INPP5A: variants seen among roughly 807,000 people sequenced by gnomAD.
The protein encoded by INPP5A is inositol polyphosphate-5-phosphatase A, also known as 43 kDa inositol polyphosphate 5-phophatase.
In INPP5A, 14 loss-of-function variants were observed where a neutral mutation model predicts 65.2. The observed-to-expected ratio is 0.21, with a 90% CI of 0.14 to 0.34. INPP5A has a LOEUF of 0.34. Among genes scored for constraint, INPP5A ranks in the 10% least tolerant of loss-of-function variants. The pLI is 1.00. For missense variants in INPP5A, 431 were observed against 545.6 expected (o/e 0.79, Z 2.09); for synonymous variants, 207 against 208.3 (o/e 0.99, Z 0.05).
At chr10:132,556,963 T>C (rs1274068357) in intron 1 of INPP5A, among the ~76,000 whole-genome samples, 1 of 152,240 alleles carries the variant, frequency 6.6e-6, no homozygotes, top group African/African-American at 2.4e-5. Context: ...CGGTGTTTAC[T>C]GATGGGTGTA....
At chr10:132,567,478 G>A (rs2071286631) in intron 1 of INPP5A, among the ~76,000 whole-genome samples, 1 of 152,218 alleles carries the variant, frequency 6.6e-6, no homozygotes, top group Non-Finnish European at 1.5e-5. Flanking sequence ...TTTGTATGGT[G>A]AATAATTTTA....
chr10:132,657,362 G>C (rs1045071526), intron 4 of INPP5A, among the ~76,000 whole-genome samples: 1 of 152,372 alleles, frequency 6.6e-6, no homozygotes. Context: ...TGGCTTCTAG[G>C]CTTTTCCAGG....
chr10:132,582,984 T>C (rs1272051719), intron 1 of INPP5A, among the ~76,000 whole-genome samples: 1 of 152,230 alleles, frequency 6.6e-6, no homozygotes, highest in East Asian at 1.9e-4. Flanking sequence ...GCTGAGCTTC[T>C]GGCTGGTATT....
In INPP5A at chr10:132,782,296, C is replaced by A; in HGVS notation, c.*267C>A. On this transcript the variant is annotated 3_prime_UTR_variant, in exon 16 of 16. Coordinates refer to ENST00000368594, the MANE Select transcript of INPP5A (RefSeq NM_005539.5). The surrounding 1 kb of genome is among the most constrained non-coding windows in gnomAD (Gnocchi z 4.4). ...ATAAGTCACAGTCCTGTTGTCAAAA[C>A]TCTAATAGACAGCAAAGAGGGTCTG... The A allele has an allele frequency of 2.7e-6, 1 of 366,638 alleles. No homozygotes were observed. The highest frequency in any genetic ancestry group is 5.2e-6 in the Non-Finnish European group (1 of 191,918). The allele number at this position is 366,638 out of a possible 1,614,324, so 22.7% of individuals were successfully genotyped here. A position where few individuals can be genotyped will look rare whatever the true frequency, so the allele number is the denominator to read the frequency against.
rs532220203 is a variant in INPP5A at position 132,543,946 on chromosome 10, G to A, written c.75+5775G>A. On this transcript the variant is annotated intron_variant, in intron 1 of 15. Coordinates refer to ENST00000368594, the MANE Select transcript of INPP5A (RefSeq NM_005539.5). ...TGCTGCTGTGTGCATCTTTGCAGGC[G>A]TCCCTAGGCGGACATGCGTTCTCAG... is the stretch of plus-strand genomic sequence containing the variant. Among the ~76,000 whole-genome samples, 43 of 152,344 alleles carry A rather than the reference G, an allele frequency of 2.8e-4. 1 individual carries two copies. Among genetic ancestry groups the A allele is most frequent in the African/African-American group, 7.2e-4 (30 of 41,584 alleles).
intron 4 of INPP5A, among the ~76,000 whole-genome samples, chr10:132,662,862 C>T (rs547430577): frequency 2.6e-5 from 4 of 152,312 alleles, no homozygotes; most frequent in African/African-American, 7.2e-5. Context: ...TCTGGAGCGA[C>T]GGGCATGTTA....
rs1393694012 is a variant in INPP5A, at chr10:132,727,180, G to A, written c.732+275G>A. 6.3e-6 allele frequency: 2 copies of A among 316,200 alleles called. No homozygotes were observed. Among genetic ancestry groups the A allele is most frequent in the Admixed American group, 9.2e-5 (2 of 21,760 alleles). 19.6% of individuals were successfully genotyped at this position (316,200 alleles called of 1,614,324 possible). A position where few individuals can be genotyped will look rare whatever the true frequency, so the allele number is the denominator to read the frequency against. On this transcript the variant is annotated intron_variant, in intron 9 of 15. Transcript: ENST00000368594. The surrounding 1 kb of genome is among the most constrained non-coding windows in gnomAD (Gnocchi z 6.5). ...TGTGGCTTCCGCCGTCGGCACACAA[G>A]GAGCTGCTGGAGTGCCGTCACAGCG...
intron 4 of INPP5A, among the ~76,000 whole-genome samples, chr10:132,653,880 G>A (rs2072614257): frequency 6.6e-6 from 1 of 152,206 alleles, no homozygotes; most frequent in Non-Finnish European, 1.5e-5. Context: ...GGAAGCACAG[G>A]GGCTGGGCCG....
chr10:132,608,611 C>G (rs1038327174), intron 2 of INPP5A, among the ~76,000 whole-genome samples: 1 of 152,084 alleles, frequency 6.6e-6, no homozygotes, highest in African/African-American at 2.4e-5. Flanking sequence ...TCTCTGAGGA[C>G]TGGGTGCATG....
chr10:132,618,624 A>G (rs2072072640), intron 2 of INPP5A, among the ~76,000 whole-genome samples: 1 of 152,170 alleles, frequency 6.6e-6, no homozygotes, highest in Admixed American at 6.5e-5. Context: ...AATACCCGAG[A>G]CTGGGTAATT....
At chr10:132,748,333 C>T (rs552876041) in intron 9 of INPP5A, among the ~76,000 whole-genome samples, 3 of 152,326 alleles carry the variant, frequency 2.0e-5, no homozygotes, top group South Asian at 4.1e-4. Flanking sequence ...GCAGAAACGC[C>T]GGTGCCTCTG....
rs562224736 is a variant in INPP5A, at chr10:132,728,183, C to T, written c.732+1278C>T. 3.1e-3 allele frequency among the ~76,000 whole-genome samples: 470 copies of T among 152,346 alleles called. 3 individuals carry two copies. The highest frequency in any genetic ancestry group is 0.011 in the African/African-American group (454 of 41,582). On this transcript the variant is annotated intron_variant, in intron 9 of 15. Coordinates refer to ENST00000368594, the MANE Select transcript of INPP5A (RefSeq NM_005539.5). ...GTGGCTCCTGGTCGAGGCATCCCTT[C>T]ATCTGGCTGTGGAGGAGGAAGGCAG...
chr10:132,659,803 A>G lies in INPP5A; in HGVS notation c.306+9298A>G, dbSNP rs1229454966. Among the ~76,000 whole-genome samples, 1 of 152,200 alleles carries G rather than the reference A, an allele frequency of 6.6e-6. No homozygotes were observed. The highest frequency in any genetic ancestry group is 1.5e-5 in the Non-Finnish European group (1 of 68,026). ...CGGCTTCATGGCTGCCTGCCCTGGG[A>G]GGTGGAGCATGGAGAAGGCCAGTGC... On this transcript the variant is annotated intron_variant, in intron 4 of 15. Coordinates refer to ENST00000368594, the MANE Select transcript of INPP5A (RefSeq NM_005539.5). The surrounding 1 kb of genome is among the most constrained non-coding windows in gnomAD (Gnocchi z 5.5).
chr10:132,743,355 G>A (rs1430929287), intron 9 of INPP5A, among the ~76,000 whole-genome samples: 1 of 138,232 alleles, frequency 7.2e-6, no homozygotes, highest in Non-Finnish European at 1.5e-5. Context: ...CGGGAGTGAG[G>A]GCGAGCCCAC....
intron 5 of INPP5A, among the ~76,000 whole-genome samples, chr10:132,692,808 C>G (rs187306090): frequency 6.6e-6 from 1 of 151,938 alleles, no homozygotes; most frequent in Admixed American, 6.6e-5. Context: ...AGCTCTTCAA[C>G]GGAAGGAAAT....
chr10:132,587,384 A>T lies in INPP5A; in HGVS notation c.76-20531A>T, dbSNP rs963781211. On this transcript the variant is annotated intron_variant, in intron 1 of 15. Transcript: ENST00000368594. This position sits in a 1 kb window ranked among gnomAD's most constrained non-coding sequence, Gnocchi z 4.3. Reference sequence around the variant, plus strand: ...GGCCCAGCCTGCTTCTGCTGCTGCCAGCACAGCCCATGGTGTGCTCTGTGG... The same window carrying T: ...GGCCCAGCCTGCTTCTGCTGCTGCCTGCACAGCCCATGGTGTGCTCTGTGG... Among the ~76,000 whole-genome samples, 3 of 152,172 alleles carry T rather than the reference A, an allele frequency of 2.0e-5. No individual in the cohort carries two copies. Among genetic ancestry groups the T allele is most frequent in the Non-Finnish European group, 4.4e-5 (3 of 68,030 alleles).
intron 1 of INPP5A, among the ~76,000 whole-genome samples, chr10:132,572,274 CTGGCAAGATGCCCCTGG>C (rs201503388): frequency 0.029 from 4,420 of 152,222 alleles, 90 homozygotes; most frequent in African/African-American, 0.049. Context: ...AGTTTCTCAG[CTGGCAAGATGCCCCTGG>C]TGGCAAGATG....
chr10:132,683,846 C>T (rs1428173116), intron 4 of INPP5A, among the ~76,000 whole-genome samples: 3 of 152,190 alleles, frequency 2.0e-5, no homozygotes, highest in African/African-American at 7.2e-5. Context: ...TCCCAAGTAG[C>T]TGGGATTACA....
At chr10:132,609,028 T>C (rs1055313798) in intron 2 of INPP5A, among the ~76,000 whole-genome samples, 21 of 152,290 alleles carry the variant, frequency 1.4e-4, no homozygotes, top group African/African-American at 2.4e-5. Context: ...GCAATGGTGC[T>C]CTGTAGCCGG....
Sources: gnomAD v4.1 joint callset for allele counts (sites outside exome capture counted in the v4.1 genomes callset) on GRCh38, gnomAD v4.1.1 for gene constraint, Gnocchi (gnomAD v3.1) non-coding constraint, MANE v1.5 for transcripts, NCBI Gene and HGNC (gene_info 2026-07-23, HGNC 2026-07-21) for gene names.